DSE: variants seen among roughly 807,000 people sequenced by gnomAD.
DSE encodes dermatan sulfate epimerase.
A neutral mutation model predicts 84.4 loss-of-function variants in DSE; 36 were observed. That is an observed-to-expected ratio of 0.43 (90% confidence interval 0.33 to 0.56). The LOEUF (loss-of-function observed/expected upper bound fraction) is 0.56. DSE is among the 20% of genes least tolerant of loss of function. The pLI is 0.06. For synonymous variants in DSE, 410 were observed against 430.1 expected, an observed-to-expected ratio of 0.95 and a Z score of 0.58; for missense variants, 862 against 1,169.6, an observed-to-expected ratio of 0.74 and a Z score of 3.84.
intron 4 of DSE, 94 bp downstream of exon 4, chr6:116,431,287 T>G (rs186534670): frequency 6.8e-7 from 1 of 1,473,662 alleles, no homozygotes; most frequent in East Asian, 2.3e-5. Flanking sequence ...AATTAGGTCC[T>G]TAGAGTTTGT....
chr6:116,324,712 C>T (rs1002524188), intron 2 of DSE, among the ~76,000 whole-genome samples: 5 of 152,130 alleles, frequency 3.3e-5, no homozygotes, highest in Admixed American at 2.0e-4. Context: ...GCTCGAGGAG[C>T]CTGAGTTAGC....
intron 2 of DSE, among the ~76,000 whole-genome samples, chr6:116,280,511 A>T (rs1483192186): frequency 6.6e-6 from 1 of 152,250 alleles, no homozygotes; most frequent in Non-Finnish European, 1.5e-5. Flanking sequence ...GGTAGAAATT[A>T]AGCCAGGATC....
At chr6:116,279,922 A>C in intron 2 of DSE, 2 of 1,560,522 alleles carry the variant, frequency 1.3e-6, no homozygotes, top group South Asian at 2.2e-5. Flanking sequence ...CCCACCCTAC[A>C]GTCTCACTAA....
At chr6:116,324,929 A>C (rs1442444830) in intron 2 of DSE, among the ~76,000 whole-genome samples, 1 of 152,152 alleles carries the variant, frequency 6.6e-6, no homozygotes, top group Non-Finnish European at 1.5e-5. Context: ...TTATATTTGT[A>C]CTATGAGGCA....
At chr6:116,357,454 C>T (rs1778644293) in intron 2 of DSE, among the ~76,000 whole-genome samples, 1 of 151,988 alleles carries the variant, frequency 6.6e-6, no homozygotes, top group Non-Finnish European at 1.5e-5. Flanking sequence ...AAGGCATGAA[C>T]CCAGGAGGCA....
chr6:116,365,052 G>C (rs1779086955), intron 2 of DSE, among the ~76,000 whole-genome samples: 1 of 152,038 alleles, frequency 6.6e-6, no homozygotes. Context: ...TGCCCAGGCT[G>C]ATCTCGAACT....
chr6:116,396,821 AT>A (rs1334868890), intron 1 of DSE, among the ~76,000 whole-genome samples: 3 of 152,184 alleles, frequency 2.0e-5, no homozygotes, highest in African/African-American at 7.2e-5. Flanking sequence ...ATATACAGTG[AT>A]TCTGTGCCTG....
At chr6:116,424,394 T>A (rs1583216091) in intron 2 of DSE, among the ~76,000 whole-genome samples, 1 of 152,202 alleles carries the variant, frequency 6.6e-6, no homozygotes, top group East Asian at 1.9e-4. Flanking sequence ...TCATCAATCT[T>A]TTTAGCACTA....
At chr6:116,287,242 GA>G (rs1057408924) in intron 2 of DSE, among the ~76,000 whole-genome samples, 2 of 151,862 alleles carry the variant, frequency 1.3e-5, no homozygotes, top group Non-Finnish European at 2.9e-5. Context: ...GTATTGCTTG[GA>G]AAAAAATATG....
chr6:116,410,760 A>C (rs1782292853), intron 2 of DSE, among the ~76,000 whole-genome samples: 1 of 141,942 alleles, frequency 7.0e-6, no homozygotes, highest in South Asian at 2.2e-4. Context: ...AAAAAAAAAA[A>C]AAAAAAGAAG....
intron 2 of DSE, among the ~76,000 whole-genome samples, chr6:116,359,452 A>G (rs1487156151): frequency 6.6e-6 from 1 of 152,188 alleles, no homozygotes; most frequent in Non-Finnish European, 1.5e-5. Context: ...ACCATCTATG[A>G]TCAAATTTAA....
At chr6:116,287,397 G>T (rs904709764) in intron 2 of DSE, among the ~76,000 whole-genome samples, 1 of 151,808 alleles carries the variant, frequency 6.6e-6, no homozygotes, top group African/African-American at 2.4e-5. Flanking sequence ...GCCTAAAAGA[G>T]TTCTTTTTAA....
intron 1 of DSE, among the ~76,000 whole-genome samples, chr6:116,386,383 A>C (rs1780579671): frequency 6.6e-6 from 1 of 152,220 alleles, no homozygotes; most frequent in South Asian, 2.1e-4. Context: ...GACTTACAAC[A>C]TTTGTTATCA....
At position 116,440,301 on chromosome 6, in the gene DSE, T is replaced by C. The variant is rs1337128718; in HGVS notation, c.*2956T>C. The C allele has an allele frequency of 6.6e-6, 1 of 152,210 alleles. No homozygotes were observed. The highest frequency in any genetic ancestry group is 1.5e-5 in the Non-Finnish European group (1 of 68,038). The allele number at this position is 152,210 out of a possible 1,614,324, so 9.4% of individuals were successfully genotyped here. ...TTGACTTACTCAGTTTTTAAAAAAT[T>C]ATTTTTATTTCTAGAGACACGGTCC... On this transcript the variant is annotated 3_prime_UTR_variant, in exon 6 of 6. Transcript: ENST00000644252.
At chr6:116,343,357 C>T (rs1364107390) in intron 2 of DSE, among the ~76,000 whole-genome samples, 12 of 152,216 alleles carry the variant, frequency 7.9e-5, no homozygotes, top group African/African-American at 2.4e-5. Flanking sequence ...TCAAGTGGGT[C>T]CCTGACCCCC....
intron 2 of DSE, among the ~76,000 whole-genome samples, chr6:116,344,600 A>C (rs1035907618): frequency 6.6e-6 from 1 of 152,226 alleles, no homozygotes; most frequent in African/African-American, 2.4e-5. Flanking sequence ...TTTTGTCACC[A>C]TCAGGCCTGC....
At chr6:116,361,410 C>A (rs1159289124) in intron 2 of DSE, among the ~76,000 whole-genome samples, 2 of 152,162 alleles carry the variant, frequency 1.3e-5, no homozygotes, top group African/African-American at 2.4e-5. Context: ...GTTTATATGG[C>A]TTAATGAGCT....
intron 4 of DSE, among the ~76,000 whole-genome samples, chr6:116,432,212 T>C (rs1443000474): frequency 1.3e-5 from 2 of 152,232 alleles, no homozygotes; most frequent in African/African-American, 4.8e-5. Context: ...TTCAGTGCTT[T>C]GTAATTTAAG....
chr6:116,440,476 T>G lies in DSE; in HGVS notation c.*3131T>G, dbSNP rs1784391919. ...TCATGCCCGGCCAAGTTAAAAAAAT[T>G]TTTGATAGTTCACAAACCACTCACA... On this transcript the variant is annotated 3_prime_UTR_variant, in exon 6 of 6. Coordinates refer to ENST00000644252, the MANE Select transcript of DSE (RefSeq NM_013352.4). 1 of 152,116 alleles carries G rather than the reference T, an allele frequency of 6.6e-6. No individual in the cohort carries two copies. Among genetic ancestry groups the G allele is most frequent in the African/African-American group, 2.4e-5 (1 of 41,418 alleles). The allele number at this position is 152,116 out of a possible 1,614,324, so 9.4% of individuals were successfully genotyped here.
Sources: gnomAD v4.1 joint callset for allele counts (sites outside exome capture counted in the v4.1 genomes callset) on GRCh38, gnomAD v4.1.1 for gene constraint, MANE v1.5 for transcripts, NCBI Gene and HGNC (gene_info 2026-07-23, HGNC 2026-07-21) for gene names.